Variants in INTS9 observed in about 807,000 individuals in gnomAD.
INTS9 encodes protein related to CPSF subunits of 74 kDa.
Under a neutral mutation model 79.7 loss-of-function variants are expected in INTS9, and 55 were observed. The observed-to-expected ratio is 0.69, with a 90% CI of 0.56 to 0.86. The LOEUF (loss-of-function observed/expected upper bound fraction) is 0.86, where lower values mean the gene tolerates loss of function less well. Among genes scored for constraint, INTS9 ranks in the 40% least tolerant of loss-of-function variants. INTS9 has a pLI of 0.00. For missense variants in INTS9, 721 were observed against 831.5 expected (o/e 0.87, Z 1.64); for synonymous variants, 319 against 325.2 (o/e 0.98, Z 0.20).
intron 1 of INTS9, chr8:28,862,118 G>A (rs561893987): frequency 2.0e-6 from 2 of 985,436 alleles, no homozygotes; most frequent in South Asian, 9.4e-5. Flanking sequence ...CTTGCAAAGG[G>A]CCCAGACCCT....
intron 4 of INTS9, among the ~76,000 whole-genome samples, chr8:28,839,857 T>A (rs373793531): frequency 2.0e-5 from 3 of 147,972 alleles, no homozygotes; most frequent in Admixed American, 6.8e-5. Context: ...AACCTAGGCA[T>A]TACCATTCAG....
intron 6 of INTS9, among the ~76,000 whole-genome samples, chr8:28,834,147 T>C (rs111630739): frequency 1.3e-5 from 2 of 152,332 alleles, no homozygotes; most frequent in Non-Finnish European, 2.9e-5. Context: ...TTCAATTCTA[T>C]CTCAGAAATT....
intron 6 of INTS9, among the ~76,000 whole-genome samples, chr8:28,834,057 C>A (rs1806661280): frequency 6.6e-6 from 1 of 152,226 alleles, no homozygotes; most frequent in Non-Finnish European, 1.5e-5. Flanking sequence ...TCTGAAACTT[C>A]CTTGTCCCTT....
chr8:28,818,551 T>C (rs1486636987), intron 6 of INTS9, among the ~76,000 whole-genome samples: 1 of 152,132 alleles, frequency 6.6e-6, no homozygotes, highest in Non-Finnish European at 1.5e-5. Flanking sequence ...GGATTCGGTT[T>C]GCCAGTATTT....
At position 28,839,917 on chromosome 8, in the gene INTS9, C is replaced by T. The variant is rs1259805505; in HGVS notation, c.262-2141G>A. Among the ~76,000 whole-genome samples the T allele has an allele frequency of 2.1e-5, 3 of 144,144 alleles. No homozygotes were observed. In the Admixed American group the frequency reaches 2.1e-4, roughly 10 times the overall value. The allele number at this position is 144,144 out of a possible 152,430, so 94.6% of individuals were successfully genotyped here. A position where few individuals can be genotyped will look rare whatever the true frequency, so the allele number is the denominator to read the frequency against. On this transcript the variant is annotated intron_variant, in intron 4 of 16. Coordinates refer to ENST00000521022, the MANE Select transcript of INTS9 (RefSeq NM_018250.4). ...ATGTCTAAAACACCAAAAGCAATGG[C>T]AACAAAAGCCAAAATTGACAAATGG...
chr8:28,824,130 G>GT (rs1192501409), intron 6 of INTS9, among the ~76,000 whole-genome samples: 1 of 152,202 alleles, frequency 6.6e-6, no homozygotes, highest in Non-Finnish European at 1.5e-5. Context: ...TAGGGCTTCT[G>GT]TTCACACTGT....
intron 6 of INTS9, among the ~76,000 whole-genome samples, chr8:28,828,364 A>T (rs748213106): frequency 1.2e-4 from 18 of 152,264 alleles, no homozygotes; most frequent in Non-Finnish European, 2.2e-4. Context: ...CACGTATCTT[A>T]TTAAAAGAGA....
chr8:28,771,753 T>G (rs1802552975), intron 14 of INTS9, among the ~76,000 whole-genome samples: 1 of 152,212 alleles, frequency 6.6e-6, no homozygotes, highest in African/African-American at 2.4e-5. Context: ...ACCTGAGGCC[T>G]CCTCCACACA....
intron 1 of INTS9, among the ~76,000 whole-genome samples, chr8:28,874,926 C>T (rs371863619): frequency 1.3e-5 from 2 of 152,196 alleles, no homozygotes; most frequent in African/African-American, 4.8e-5. Flanking sequence ...TACAGTTCCA[C>T]GTGGCTGGGA....
In INTS9 at chr8:28,837,775, G is replaced by T. The variant is rs368909488; in HGVS notation, c.263C>A (p.Thr88Lys). 12 of 1,612,098 alleles carry T rather than the reference G, an allele frequency of 7.4e-6. No individual in the cohort carries two copies. The highest frequency in any genetic ancestry group is 1.1e-5 in the South Asian group (1 of 90,936). The stretch of plus-strand genomic sequence containing the variant: ...TACTGTAGACAGATCTATTAGCTCC[G>T]TCTGAAAAGAAAGGGAGGGAATGAT... ...DSVPEFCLPE[T>K]ELIDLSTVDV... Residue 88 changes from threonine (T) to lysine (K), a missense_variant and splice_region_variant, in exon 5 of 17, where the codon ACG becomes AAG. By Grantham distance (78) the Thr-to-Lys change is moderately conservative. Around this residue, in one of 3 missense-constraint regions of INTS9, gnomAD observed 291 missense variants for 307.0 expected, o/e 0.95. Transcript: ENST00000521022.
chr8:28,882,900 G>A (rs750846071), intron 1 of INTS9, among the ~76,000 whole-genome samples: 1 of 152,138 alleles, frequency 6.6e-6, no homozygotes, highest in Non-Finnish European at 1.5e-5. Context: ...TTTTCTCACA[G>A]TAAAGTTCCC....
In INTS9 at chr8:28,775,784, T is replaced by C. The variant is rs941856671; in HGVS notation, c.1538A>G (p.Tyr513Cys). The C allele has an allele frequency of 1.9e-6, 3 of 1,613,948 alleles. No homozygotes were observed. Among genetic ancestry groups the C allele is most frequent in the Non-Finnish European group, 2.5e-6 (3 of 1,180,008 alleles). ...EVLALPFKRR[Y>C]EKIEIMPELA... ...CTCTGGCATGATCTCGATCTTCTCG[T>C]ACCGACGTTTGAAGGGCAGGGCGAG... Residue 513 changes from tyrosine (Y) to cysteine (C), a missense_variant, in exon 14 of 17, where the codon TAC becomes TGC. By Grantham distance (194) the Tyr-to-Cys change is radical. This residue lies in a region of INTS9 where 281 missense variants were observed against 300.8 expected (regional missense o/e 0.93). Coordinates refer to ENST00000521022, the MANE Select transcript of INTS9 (RefSeq NM_018250.4).
At chr8:28,822,559 A>G (rs1805899667) in intron 6 of INTS9, among the ~76,000 whole-genome samples, 1 of 152,184 alleles carries the variant, frequency 6.6e-6, no homozygotes, top group African/African-American at 2.4e-5. Flanking sequence ...CTCCTGTTCT[A>G]AATTGAAAGG....
intron 1 of INTS9, among the ~76,000 whole-genome samples, chr8:28,863,166 A>G (rs1808548442): frequency 1.3e-5 from 2 of 152,182 alleles, no homozygotes; most frequent in South Asian, 4.1e-4. Context: ...ATCCCCTAAG[A>G]CTAGGTGAAG....
At position 28,777,799 on chromosome 8, in the gene INTS9, C is replaced by T. The variant is rs116093564; in HGVS notation, c.1395+30G>A. 5.3e-4 allele frequency: 833 copies of T among 1,573,832 alleles called. 4 individuals carry two copies. The African/African-American group carries it at 8.8e-3, about 17-fold the overall frequency. ...GAGCCACACCAAGGTGACATGACTA[C>T]GTGAAGGCACAAGCAGTGTCCTTCA... On this transcript the variant is annotated intron_variant, in intron 13 of 16. Transcript: ENST00000521022.
At chr8:28,776,106 T>G (rs1056923046) in intron 13 of INTS9, 180 bp from the exon 14 acceptor site, 1 of 475,804 alleles carries the variant, frequency 2.1e-6, no homozygotes, top group Admixed American at 3.8e-5. Flanking sequence ...GTGAAGGCAC[T>G]GGGGCAGAAG....
chr8:28,849,821 G>A (rs1807728736), intron 3 of INTS9, among the ~76,000 whole-genome samples: 1 of 152,086 alleles, frequency 6.6e-6, no homozygotes, highest in South Asian at 2.1e-4. Context: ...CCTGCTTGAG[G>A]ATTTTAAAAG....
At chr8:28,885,138 G>A (rs1310802368) in intron 1 of INTS9, among the ~76,000 whole-genome samples, 2 of 152,180 alleles carry the variant, frequency 1.3e-5, no homozygotes, top group Admixed American at 6.5e-5. Flanking sequence ...GAAATGGCAA[G>A]TTAAAAGTTT....
intron 6 of INTS9, among the ~76,000 whole-genome samples, chr8:28,832,514 G>A (rs1180783389): frequency 6.6e-6 from 1 of 152,244 alleles, no homozygotes. Context: ...ATGTGTGTGT[G>A]CATAAGAGGT....
Sources: allele counts gnomAD v4.1 joint callset (sites outside exome capture counted in the v4.1 genomes callset), GRCh38; gene constraint gnomAD v4.1.1; regional missense constraint gnomAD v4.1.1; transcripts MANE v1.5; gene names NCBI Gene and HGNC (gene_info 2026-07-23, HGNC 2026-07-21).